Variants in ACSS3 observed in about 807,000 individuals in gnomAD.
The protein encoded by ACSS3 is acyl-CoA synthetase short chain family member 3.
A neutral mutation model predicts 84.2 loss-of-function variants in ACSS3; 64 were observed. That is an observed-to-expected ratio of 0.76 (90% CI 0.62 to 0.94). The LOEUF is 0.94. Ranked by LOEUF, ACSS3 falls within the 40% of genes least tolerant of loss-of-function variation. The pLI, the probability that ACSS3 is intolerant of heterozygous loss-of-function variation, is 0.00. For missense variants in ACSS3, 815 were observed against 867.6 expected (o/e 0.94, Z 0.76); for synonymous variants, 317 against 310.1 (o/e 1.02, Z -0.23).
chr12:81,246,567 C>G (rs112787948), intron 13 of ACSS3, among the ~76,000 whole-genome samples: 1 of 152,134 alleles, frequency 6.6e-6, no homozygotes, highest in South Asian at 2.1e-4. Flanking sequence ...ATTTCAAGTT[C>G]TTATGTTCTG....
At chr12:81,169,471 C>T (rs1384434742) in intron 7 of ACSS3, among the ~76,000 whole-genome samples, 5 of 152,106 alleles carry the variant, frequency 3.3e-5, no homozygotes, top group Non-Finnish European at 5.9e-5. Context: ...ATTGTACACC[C>T]TCTTTTTTCA....
At position 81,134,885 on chromosome 12, in the gene ACSS3, C is replaced by T. The variant is rs1258810302; in HGVS notation, c.526C>T (p.Pro176Ser). 6.2e-6 allele frequency: 10 copies of T among 1,601,990 alleles called. No individual in the cohort carries two copies. Among genetic ancestry groups the T allele is most frequent in the Admixed American group, 5.1e-5 (3 of 58,610 alleles). The change falls in exon 3 of 16, where the codon CCT becomes TCT. Residue 176 changes from proline to serine, a missense_variant. By Grantham distance (74) the Pro-to-Ser change is moderately conservative. Transcript: ENST00000548058. The part of the protein sequence containing the change: ...KKGDTVVIYM[P>S]MIPQAMYTML... ...AGGTGACACTGTGGTTATCTACATG[C>T]CTATGATCCCACAGGCGATGTATAC... is the stretch of plus-strand genomic sequence containing the variant.
Position 81,174,863 on chromosome 12 carries a change from A to G in ACSS3, c.1174A>G (p.Thr392Ala), listed in dbSNP as rs2135820471. ...AGAGCATGGAGTAGCTGCCTTGTTT[A>G]CAGCACCAACTGCAATTAGAGCAAT... ...LAEHGVAALF[T>A]APTAIRAIRQ... The change falls in exon 8 of 16, where the codon ACA becomes GCA. Residue 392 changes from threonine (T) to alanine (A), a missense_variant. By Grantham distance (58) the Thr-to-Ala change is moderately conservative. Transcript: ENST00000548058. The G allele has an allele frequency of 2.5e-6, 4 of 1,613,992 alleles. No homozygotes were observed. The highest frequency in any genetic ancestry group is 2.2e-5 in the East Asian group (1 of 44,860).
chr12:81,174,700 T>C (rs1365331468), intron 7 of ACSS3, 88 bp from the exon 8 acceptor site: 7 of 1,327,786 alleles, frequency 5.3e-6, no homozygotes, highest in Non-Finnish European at 7.2e-6. Flanking sequence ...TTATTATTAA[T>C]ATTGTTGTGT....
intron 7 of ACSS3, among the ~76,000 whole-genome samples, chr12:81,161,466 C>G (rs770418415): frequency 1.3e-5 from 2 of 152,196 alleles, no homozygotes; most frequent in Non-Finnish European, 2.9e-5. Context: ...TGTTTCACTT[C>G]TATTTTTTTG....
chr12:81,239,245 A>C (rs559567540), intron 13 of ACSS3, among the ~76,000 whole-genome samples: 31 of 151,862 alleles, frequency 2.0e-4, no homozygotes, highest in Non-Finnish European at 4.0e-4. Context: ...TCTTTTTAAA[A>C]TTTTAAGGTG....
chr12:81,127,519 T>G (rs556370968), intron 2 of ACSS3, among the ~76,000 whole-genome samples: 1 of 152,332 alleles, frequency 6.6e-6, no homozygotes, highest in African/African-American at 2.4e-5. Context: ...GCAAGTATTT[T>G]ATATAACTCT....
chr12:81,183,654 T>TA (rs892769959), intron 8 of ACSS3, among the ~76,000 whole-genome samples: 1 of 152,030 alleles, frequency 6.6e-6, no homozygotes, highest in African/African-American at 2.4e-5. Flanking sequence ...TGGTTATACT[T>TA]ACATCTGATA....
intron 1 of ACSS3, among the ~76,000 whole-genome samples, chr12:81,104,322 C>G (rs1263054706): frequency 1.3e-5 from 2 of 151,982 alleles, no homozygotes; most frequent in Non-Finnish European, 2.9e-5. Flanking sequence ...ACTACAGAAC[C>G]AAGAAAGGGA....
chr12:81,116,635 A>T (rs1017404635), intron 2 of ACSS3, among the ~76,000 whole-genome samples: 2 of 152,078 alleles, frequency 1.3e-5, no homozygotes, highest in African/African-American at 4.8e-5. Flanking sequence ...GGGTACCTAC[A>T]TGATCTTCCT....
intron 4 of ACSS3, among the ~76,000 whole-genome samples, chr12:81,142,809 CAT>C (rs1485960187): frequency 6.6e-6 from 1 of 152,158 alleles, no homozygotes; most frequent in African/African-American, 2.4e-5. Context: ...TTATTTAAGC[CAT>C]GAGTGTTGAT....
chr12:81,247,646 T>C (rs1565743349), intron 13 of ACSS3, among the ~76,000 whole-genome samples: 2 of 152,132 alleles, frequency 1.3e-5, no homozygotes, highest in South Asian at 2.1e-4. Flanking sequence ...AAGAAAATTC[T>C]ATCTCAGTTT....
At chr12:81,092,140 T>G (rs574884442) in intron 1 of ACSS3, among the ~76,000 whole-genome samples, 1 of 152,226 alleles carries the variant, frequency 6.6e-6, no homozygotes, top group Admixed American at 6.5e-5. Flanking sequence ...TAAAAGTGGG[T>G]TTTATTTTGT....
chr12:81,204,294 TTCC>T (rs1188054167), intron 9 of ACSS3, among the ~76,000 whole-genome samples: 1 of 150,848 alleles, frequency 6.6e-6, no homozygotes, highest in Non-Finnish European at 1.5e-5. Flanking sequence ...CTCTTCTTCC[TTCC>T]TCCTCTTCTT....
At chr12:81,100,249 T>C (rs1483046928) in intron 1 of ACSS3, among the ~76,000 whole-genome samples, 5 of 101,994 alleles carry the variant, frequency 4.9e-5, no homozygotes, top group African/African-American at 1.5e-4. Flanking sequence ...TGAGATGGGG[T>C]CTTGCCATGT....
chr12:81,226,796 C>T (rs552091391), intron 11 of ACSS3, among the ~76,000 whole-genome samples: 1 of 152,000 alleles, frequency 6.6e-6, no homozygotes, highest in African/African-American at 2.4e-5. Context: ...TTTTCATCCT[C>T]TTAAACTGTG....
intron 7 of ACSS3, among the ~76,000 whole-genome samples, chr12:81,161,100 C>T (rs1022535932): frequency 2.6e-5 from 4 of 152,208 alleles, no homozygotes; most frequent in Non-Finnish European, 4.4e-5. Context: ...ATAAATTCTC[C>T]TGTAATCCAG....
At position 81,140,113 on chromosome 12, in the gene ACSS3, C is replaced by T. The variant is rs114800940; in HGVS notation, c.780+848C>T. ...GCTTAATCCCTCAGCTATACTGACT[C>T]TTGGAGTGGTGTGATTAATTTGCAT... On this transcript the variant is annotated intron_variant, in intron 4 of 15. Transcript: ENST00000548058. 6.9e-3 allele frequency among the ~76,000 whole-genome samples: 1,049 copies of T among 152,258 alleles called. 11 individuals carry two copies. The highest frequency in any genetic ancestry group is 0.024 in the African/African-American group (997 of 41,552).
In ACSS3 at chr12:81,257,093, C is replaced by T. The variant is rs1463069719; in HGVS notation, c.*2171C>T. ...TGCAAGGTTTAAGCTCAGGCAGATC[C>T]AATAATTAGGTAAAGGTTGCATCTT... On this transcript the variant is annotated 3_prime_UTR_variant, in exon 16 of 16. Coordinates refer to ENST00000548058, the MANE Select transcript of ACSS3 (RefSeq NM_024560.4). The T allele has an allele frequency of 6.6e-6, 1 of 151,918 alleles. No individual in the cohort carries two copies. The highest frequency in any genetic ancestry group is 1.5e-5 in the Non-Finnish European group (1 of 67,994). 9.4% of individuals were successfully genotyped at this position (151,918 alleles called of 1,614,324 possible).
Sources: allele counts gnomAD v4.1 joint callset (sites outside exome capture counted in the v4.1 genomes callset), GRCh38; gene constraint gnomAD v4.1.1; transcripts MANE v1.5; gene names NCBI Gene and HGNC (gene_info 2026-07-23, HGNC 2026-07-21).